Variants in C20orf96 observed in about 807,000 individuals in gnomAD.
The protein encoded by C20orf96 is chromosome 20 open reading frame 96.
Under a neutral mutation model 52.6 loss-of-function variants are expected in C20orf96, and 57 were observed. The ratio of observed to expected loss-of-function variants is 1.08; its 90% CI spans 0.88 to 1.35. C20orf96 has a LOEUF of 1.35. Ranked by LOEUF, C20orf96 falls within the 40% of genes most tolerant of loss-of-function variation. The probability of loss-of-function intolerance (pLI) is 0.00; values close to 1 mark genes in which losing one functional copy is unlikely to be tolerated. For missense variants in C20orf96, 478 were observed against 443.6 expected (o/e 1.08, Z -0.70); for synonymous variants, 168 against 157.2 (o/e 1.07, Z -0.51).
At chr20:272,312 C>T (rs550072034) in intron 10 of C20orf96, among the ~76,000 whole-genome samples, 5 of 152,294 alleles carry the variant, frequency 3.3e-5, no homozygotes, top group African/African-American at 7.2e-5. Context: ...AATGACTCCA[C>T]CTTGGCACCT....
At chr20:283,104 C>G (rs2012292959) in intron 4 of C20orf96, among the ~76,000 whole-genome samples, 1 of 152,108 alleles carries the variant, frequency 6.6e-6, no homozygotes, top group Admixed American at 6.5e-5. Context: ...TAGTATTTTA[C>G]TTTCTGCTAT....
In C20orf96 at chr20:276,795, C is replaced by T. The variant is rs138663865; in HGVS notation, c.910G>A (p.Glu304Lys). Residue 304 changes from glutamate to lysine, a missense_variant and splice_region_variant, in exon 9 of 11, where the codon GAA (glutamate) becomes AAA (lysine). By Grantham distance (56) the Glu-to-Lys change is moderately conservative. Coordinates refer to ENST00000360321, the MANE Select transcript of C20orf96 (RefSeq NM_153269.3). ...CACCACCTTCCTTGCCCACGCACTTCTCTGAACCTTTGCATGCATTTCAGG... is the reference window on the plus strand; with the variant it reads ...CACCACCTTCCTTGCCCACGCACTTTTCTGAACCTTTGCATGCATTTCAGG... ...DFLKCMQRFREIIDQFEENMP... is the reference protein window; with the variant it reads ...DFLKCMQRFRKIIDQFEENMP... 18 of 1,612,578 alleles carry T rather than the reference C, an allele frequency of 1.1e-5. No homozygotes were observed. The African/African-American group carries it at 2.3e-4, about 20-fold the overall frequency.
chr20:273,936 A>AGGGG (rs2011927214), intron 10 of C20orf96, among the ~76,000 whole-genome samples: 2 of 80,870 alleles, frequency 2.5e-5, no homozygotes, highest in African/African-American at 1.0e-4. Context: ...GGAGGGAGGG[A>AGGGG]GGGGAAAGAA....
At position 271,170 on chromosome 20, in the gene C20orf96, G is replaced by A. The variant is rs1029482113; in HGVS notation, c.*37C>T. 2.0e-6 allele frequency: 3 copies of A among 1,520,550 alleles called. No homozygotes were observed. Among genetic ancestry groups the A allele is most frequent in the Non-Finnish European group, 2.7e-6 (3 of 1,118,926 alleles). 94.2% of individuals were successfully genotyped at this position (1,520,550 alleles called of 1,614,324 possible). A position where few individuals can be genotyped will look rare whatever the true frequency, so the allele number is the denominator to read the frequency against. On this transcript the variant is annotated 3_prime_UTR_variant, in exon 11 of 11. Coordinates refer to ENST00000360321, the MANE Select transcript of C20orf96 (RefSeq NM_153269.3). ...GATCCAAGGCTCCAGGTGCTGGGAA[G>A]AGAGCAGGAGGGGAGGGCGGCCCAT...
chr20:274,461 G>A (rs1022645275), intron 10 of C20orf96, among the ~76,000 whole-genome samples: 16 of 152,080 alleles, frequency 1.1e-4, no homozygotes, highest in Admixed American at 2.6e-4. Flanking sequence ...CACCATGATC[G>A]GGTGGTTCAA....
intron 9 of C20orf96, chr20:276,362 T>C (rs2012023998): frequency 6.1e-6 from 6 of 985,122 alleles, no homozygotes; most frequent in Non-Finnish European, 6.0e-6. Flanking sequence ...TGGGAATGAA[T>C]GGAGGCTGGC....
intron 10 of C20orf96, 99 bp downstream of exon 10, chr20:275,869 T>G: frequency 2.7e-6 from 3 of 1,126,624 alleles, no homozygotes; most frequent in African/African-American, 1.5e-5. Context: ...CTGTACAGGG[T>G]TCTGCCATCC....
Position 277,243 on chromosome 20 carries a change from C to A in C20orf96, c.706G>T (p.Val236Phe). ...ISTLMRQLQQ[V>F]KDSQQDELDD... ...TCCCCTACCTGCTGGCTGTCCTTAACCTGCTGCAGCTGGCGCATAAGAGTG... is the reference window on the plus strand; with the variant it reads ...TCCCCTACCTGCTGGCTGTCCTTAAACTGCTGCAGCTGGCGCATAAGAGTG... Residue 236 changes from valine (V) to phenylalanine (F), a missense_variant, in exon 7 of 11, where the codon GTT becomes TTT. By Grantham distance (50) the Val-to-Phe change is conservative. Coordinates refer to ENST00000360321, the MANE Select transcript of C20orf96 (RefSeq NM_153269.3). The A allele has an allele frequency of 6.2e-7, 1 of 1,614,172 alleles. No individual in the cohort carries two copies. Among genetic ancestry groups the A allele is most frequent in the Non-Finnish European group, 8.5e-7 (1 of 1,180,042 alleles).
intron 4 of C20orf96, 81 bp downstream of exon 4, chr20:283,882 A>T: frequency 1.0e-6 from 1 of 982,088 alleles, no homozygotes; most frequent in Non-Finnish European, 1.6e-6. Context: ...GGCACCCACA[A>T]AGTTCTCAGC....
Position 270,868 on chromosome 20 carries a change from T to A in C20orf96, c.*339A>T. Reference sequence around the variant, plus strand: ...CCCGAGACACTGGCAAAAAAGCAAATGTAAATCCAGCTTTATTGGTAAAAA... The same window carrying A: ...CCCGAGACACTGGCAAAAAAGCAAAAGTAAATCCAGCTTTATTGGTAAAAA... On this transcript the variant is annotated 3_prime_UTR_variant, in exon 11 of 11. Transcript: ENST00000360321. 5 of 271,388 alleles carry A rather than the reference T, an allele frequency of 1.8e-5. No homozygotes were observed. The highest frequency in any genetic ancestry group is 6.0e-5 in the South Asian group (1 of 16,616). The allele number at this position is 271,388 out of a possible 1,614,324, so 16.8% of individuals were successfully genotyped here.
chr20:280,048 G>C (rs1456077038), intron 4 of C20orf96, among the ~76,000 whole-genome samples: 1 of 152,074 alleles, frequency 6.6e-6, no homozygotes, highest in African/African-American at 2.4e-5. Flanking sequence ...GGAGAAGCAG[G>C]GGAGGCAAAA....
chr20:278,337 C>T lies in C20orf96; in HGVS notation c.558G>A (p.Lys186=), dbSNP rs77081542. The T allele has an allele frequency of 7.6e-5, 122 of 1,613,496 alleles. 1 individual carries two copies. In the East Asian group the frequency reaches 2.7e-3, roughly 35 times the overall value. The change falls in exon 6 of 11, where the codon AAG becomes AAA. Residue 186 remains lysine, a synonymous_variant. Coordinates refer to ENST00000360321, the MANE Select transcript of C20orf96 (RefSeq NM_153269.3). The part of the protein sequence containing the change: ...LQEWEEKKKC[K]MSYLEQQAEQ... ...TTTGCCAGGGATTCTTACAGCTCAT[C>T]TTGCATTTCTTCTTTTCTTCCCACT...
chr20:289,732 CT>C, intron 2 of C20orf96, 56 bp from the exon 3 acceptor site: 1 of 1,397,652 alleles, frequency 7.2e-7, no homozygotes, highest in Non-Finnish European at 1.0e-6. Context: ...CAGCTCTACC[CT>C]TTTCAGATAT....
At position 277,387 on chromosome 20, in the gene C20orf96, G is replaced by A; in HGVS notation, c.566-4C>T. 1.9e-6 allele frequency: 3 copies of A among 1,613,520 alleles called. No individual in the cohort carries two copies. Among genetic ancestry groups the A allele is most frequent in the Non-Finnish European group, 2.5e-6 (3 of 1,180,002 alleles). ...TGCTCTGCCTGCTGCTCAAGATCTG[G>A]GGAGGGGTTAGGGAGGTCAGCAGGG... On this transcript the variant is annotated splice_polypyrimidine_tract_variant and splice_region_variant and intron_variant, in intron 6 of 10. Coordinates refer to ENST00000360321, the MANE Select transcript of C20orf96 (RefSeq NM_153269.3).
intron 3 of C20orf96, among the ~76,000 whole-genome samples, chr20:286,697 C>G (rs1384169434): frequency 6.6e-6 from 1 of 152,130 alleles, no homozygotes; most frequent in Non-Finnish European, 1.5e-5. Flanking sequence ...AAGTACGGTA[C>G]AATATCACAA....
chr20:278,462 G>C, intron 5 of C20orf96, 33 bp from the exon 6 acceptor site: 1 of 1,550,344 alleles, frequency 6.5e-7, no homozygotes, highest in African/African-American at 1.4e-5. Context: ...TCACCCACAG[G>C]CTCTGCTGGC....
chr20:288,182 T>TTTC (rs1568494404), intron 3 of C20orf96, among the ~76,000 whole-genome samples: 9 of 136,976 alleles, frequency 6.6e-5, no homozygotes, highest in Non-Finnish European at 1.4e-4. Flanking sequence ...TTCTTTTTTT[T>TTTC]TTTTTTTTTT....
chr20:273,785 G>A (rs2011914067), intron 10 of C20orf96, among the ~76,000 whole-genome samples: 1 of 151,752 alleles, frequency 6.6e-6, no homozygotes, highest in Non-Finnish European at 1.5e-5. Flanking sequence ...GCTGAGACAA[G>A]AGAATCACTT....
At chr20:278,106 C>A (rs2012088612) in intron 6 of C20orf96, among the ~76,000 whole-genome samples, 1 of 152,230 alleles carries the variant, frequency 6.6e-6, no homozygotes. Flanking sequence ...TGAGTGTGTG[C>A]CTGTAACAAT....
Sources: allele counts gnomAD v4.1 joint callset (sites outside exome capture counted in the v4.1 genomes callset), GRCh38; gene constraint gnomAD v4.1.1; transcripts MANE v1.5; gene names NCBI Gene and HGNC (gene_info 2026-07-23, HGNC 2026-07-21).